Variants in EFHD2 observed in about 807,000 individuals in gnomAD.
EFHD2 encodes the protein EF-hand domain-containing protein D2.
A neutral mutation model predicts 20.3 loss-of-function variants in EFHD2; 12 were observed. That is an observed-to-expected ratio of 0.59 (90% confidence interval 0.38 to 0.96). The LOEUF (loss-of-function observed/expected upper bound fraction) is 0.96. Among genes scored for constraint, EFHD2 ranks in the 40% least tolerant of loss-of-function variants. The pLI, the probability that EFHD2 is intolerant of heterozygous loss-of-function variation, is 0.00. For missense variants in EFHD2, 250 were observed against 334.3 expected (o/e 0.75, Z 1.97); for synonymous variants, 131 against 143.9 (o/e 0.91, Z 0.64).
chr1:15,421,882 C>T (rs142324086), intron 1 of EFHD2, among the ~76,000 whole-genome samples: 71 of 152,198 alleles, frequency 4.7e-4, no homozygotes, highest in African/African-American at 1.6e-3. Flanking sequence ...AGTGCTGGTG[C>T]GTTGGGAGTT....
At chr1:15,415,007 G>T (rs1418058030) in intron 1 of EFHD2, among the ~76,000 whole-genome samples, 1 of 152,168 alleles carries the variant, frequency 6.6e-6, no homozygotes, top group Non-Finnish European at 1.5e-5. Context: ...GTAAAGTTCT[G>T]AGGATTAGGT....
At chr1:15,416,319 A>C (rs1250345937) in intron 1 of EFHD2, among the ~76,000 whole-genome samples, 1 of 152,054 alleles carries the variant, frequency 6.6e-6, no homozygotes, top group Non-Finnish European at 1.5e-5. Flanking sequence ...TCGTTTCCTC[A>C]AGGCCAGCCC....
chr1:15,410,367 C>A, intron 1 of EFHD2, 88 bp downstream of exon 1: 1 of 1,422,998 alleles, frequency 7.0e-7, no homozygotes, highest in Non-Finnish European at 9.3e-7. Flanking sequence ...CCGCTCCGCC[C>A]CGGGAGCCTG....
intron 1 of EFHD2, among the ~76,000 whole-genome samples, chr1:15,415,612 C>T (rs1707651897): frequency 6.6e-6 from 1 of 151,926 alleles, no homozygotes; most frequent in Admixed American, 6.6e-5. Flanking sequence ...CTTCAGCCTC[C>T]CAAGTAGCTG....
Position 15,426,330 on chromosome 1 carries a change from G to A in EFHD2, c.456+312G>A, listed in dbSNP as rs1327223918. On this transcript the variant is annotated intron_variant, in intron 2 of 3. Transcript: ENST00000375980. The surrounding 1 kb of genome is among the most constrained non-coding windows in gnomAD (Gnocchi z 4.6). ...GCTCTGGGGTAGAGAAAGGCCCTGT[G>A]CTCGAAGGTTCCTGGAAGTGTAGAG... Among the ~76,000 whole-genome samples the A allele has an allele frequency of 6.6e-6, 1 of 152,152 alleles. No homozygotes were observed. The highest frequency in any genetic ancestry group is 2.4e-5 in the African/African-American group (1 of 41,432).
intron 1 of EFHD2, among the ~76,000 whole-genome samples, chr1:15,416,845 CTG>C: frequency 6.6e-6 from 1 of 152,198 alleles, no homozygotes; most frequent in East Asian, 1.9e-4. Flanking sequence ...GAGTCTTGCT[CTG>C]TCACTCAGAC....
chr1:15,427,962 A>G lies in EFHD2; in HGVS notation c.592-631A>G. 6.4e-6 allele frequency: 3 copies of G among 470,762 alleles called. 1 individual carries two copies. Among genetic ancestry groups the G allele is most frequent in the Non-Finnish European group, 4.4e-6 (1 of 227,052 alleles). The allele number at this position is 470,762 out of a possible 1,614,324, so 29.2% of individuals were successfully genotyped here. ...AGAGGATCAGGATGGCAGCAGCTTG[A>G]GCGACTCCCTTCGAGCGCCCTTGCT... On this transcript the variant is annotated intron_variant, in intron 3 of 3. Coordinates refer to ENST00000375980, the MANE Select transcript of EFHD2 (RefSeq NM_024329.6).
chr1:15,423,959 G>A (rs1036427606), intron 1 of EFHD2, among the ~76,000 whole-genome samples: 1 of 152,104 alleles, frequency 6.6e-6, no homozygotes, highest in Non-Finnish European at 1.5e-5. Context: ...GGAGGCTGAT[G>A]TAGGAGGATT....
chr1:15,427,537 A>G (rs1294715186), intron 3 of EFHD2, among the ~76,000 whole-genome samples: 1 of 152,150 alleles, frequency 6.6e-6, no homozygotes, highest in Non-Finnish European at 1.5e-5. Context: ...GATTACCTTG[A>G]GGTGCCCTGG....
At chr1:15,410,467 C>T (rs1286898041) in intron 1 of EFHD2, among the ~76,000 whole-genome samples, 188 bp downstream of exon 1, 3 of 152,020 alleles carry the variant, frequency 2.0e-5, no homozygotes, top group African/African-American at 7.2e-5. Context: ...TCACCGCGCA[C>T]GTTAGTCTGG....
At chr1:15,427,676 C>T (rs77325051) in intron 3 of EFHD2, among the ~76,000 whole-genome samples, 8 of 152,156 alleles carry the variant, frequency 5.3e-5, no homozygotes, top group African/African-American at 9.7e-5. Context: ...AGGAAGCCTG[C>T]GGGCTCAGAG....
At chr1:15,425,747 C>T (rs1018595728) in intron 1 of EFHD2, 124 bp from the exon 2 acceptor site, 1 of 1,394,192 alleles carries the variant, frequency 7.2e-7, no homozygotes, top group African/African-American at 1.5e-5. Flanking sequence ...AGGTCCCTTC[C>T]AACAGTGACG....
At chr1:15,424,696 G>A (rs1707844404) in intron 1 of EFHD2, among the ~76,000 whole-genome samples, 1 of 152,188 alleles carries the variant, frequency 6.6e-6, no homozygotes. Context: ...CAGAGGCCCT[G>A]CCTTAGATAC....
At chr1:15,411,119 AC>A (rs970100523) in intron 1 of EFHD2, among the ~76,000 whole-genome samples, 1 of 55,010 alleles carries the variant, frequency 1.8e-5, no homozygotes, top group Non-Finnish European at 3.9e-5. Flanking sequence ...TGCCCGCCCC[AC>A]CCCCGTGCAC....
chr1:15,422,810 A>G (rs111402460), intron 1 of EFHD2, among the ~76,000 whole-genome samples: 6,311 of 152,182 alleles, frequency 0.041, 436 homozygotes, highest in African/African-American at 0.14. Context: ...GCAGTGAGCC[A>G]AGATTGCGCC....
intron 1 of EFHD2, among the ~76,000 whole-genome samples, chr1:15,422,277 G>A (rs1365373194): frequency 3.3e-5 from 5 of 151,734 alleles, no homozygotes; most frequent in Non-Finnish European, 7.4e-5. Flanking sequence ...ATTTTTAATA[G>A]AGACAGGGTT....
intron 1 of EFHD2, among the ~76,000 whole-genome samples, chr1:15,418,755 C>T (rs1464674448): frequency 2.0e-5 from 3 of 152,024 alleles, no homozygotes; most frequent in African/African-American, 7.2e-5. Context: ...CTCTAATATC[C>T]CTCCCAACCC....
At chr1:15,411,501 G>A (rs1482752225) in intron 1 of EFHD2, among the ~76,000 whole-genome samples, 1 of 152,208 alleles carries the variant, frequency 6.6e-6, no homozygotes, top group Admixed American at 6.5e-5. Flanking sequence ...CTCTCTCCCA[G>A]CCATGTGTGT....
intron 3 of EFHD2, chr1:15,427,975 G>A (rs201424788): frequency 6.4e-6 from 3 of 470,956 alleles, no homozygotes; most frequent in Admixed American, 2.3e-5. Flanking sequence ...GACTCCCTTC[G>A]AGCGCCCTTG....
Sources: gnomAD v4.1 joint callset for allele counts (sites outside exome capture counted in the v4.1 genomes callset) on GRCh38, gnomAD v4.1.1 for gene constraint, Gnocchi (gnomAD v3.1) non-coding constraint, MANE v1.5 for transcripts, NCBI Gene and HGNC (gene_info 2026-07-23, HGNC 2026-07-21) for gene names.